TEX26: variants seen among roughly 807,000 people sequenced by gnomAD.
TEX26 encodes testis-expressed protein 26.
In TEX26, 34 loss-of-function variants were observed where a neutral mutation model predicts 35.3. That is an observed-to-expected ratio of 0.96 (90% CI 0.73 to 1.28). The LOEUF is 1.28. Ranked by LOEUF, TEX26 falls within the 50% of genes most tolerant of loss-of-function variation. The pLI, the probability that TEX26 is intolerant of heterozygous loss-of-function variation, is 0.00. For synonymous variants in TEX26, 136 were observed against 111.8 expected, an observed-to-expected ratio of 1.22 and a Z score of -1.36; for missense variants, 371 against 330.1, an observed-to-expected ratio of 1.12 and a Z score of -0.96.
At chr13:30,963,309 A>C (rs1954417413) in intron 4 of TEX26, among the ~76,000 whole-genome samples, 1 of 152,102 alleles carries the variant, frequency 6.6e-6, no homozygotes, top group African/African-American at 2.4e-5. Context: ...CCCTGGGGGG[A>C]GGCGTCATTG....
At position 30,934,961 on chromosome 13, in the gene TEX26, C is replaced by T. The variant is rs544564483; in HGVS notation, c.61+2185C>T. ...AGCCAGGGACAAGTGGGAGCTTTGCCTCTTCCAAGTTGGTGGGGCAAGAGC... is the reference window on the plus strand; with the variant it reads ...AGCCAGGGACAAGTGGGAGCTTTGCTTCTTCCAAGTTGGTGGGGCAAGAGC... On this transcript the variant is annotated intron_variant, in intron 1 of 6. Transcript: ENST00000380473. Among the ~76,000 whole-genome samples, 12 of 152,364 alleles carry T rather than the reference C, an allele frequency of 7.9e-5. No individual in the cohort carries two copies. The South Asian group carries it at 1.0e-3, about 13-fold the overall frequency.
intron 4 of TEX26, among the ~76,000 whole-genome samples, chr13:30,964,240 G>A (rs1308192808): frequency 6.6e-6 from 1 of 152,106 alleles, no homozygotes; most frequent in African/African-American, 2.4e-5. Context: ...TAAGTGCCTG[G>A]GGCTCACTTC....
chr13:30,957,872 T>C (rs892652404), intron 4 of TEX26, among the ~76,000 whole-genome samples: 3 of 152,216 alleles, frequency 2.0e-5, no homozygotes, highest in Non-Finnish European at 4.4e-5. Context: ...GACTGACAGA[T>C]GTCAGAGATA....
At chr13:30,958,605 C>T (rs1954223410) in intron 4 of TEX26, among the ~76,000 whole-genome samples, 1 of 152,190 alleles carries the variant, frequency 6.6e-6, no homozygotes, top group Admixed American at 6.5e-5. Flanking sequence ...GTGTCTCCAT[C>T]TTCATCCTAC....
In TEX26 at chr13:30,957,988, C is replaced by T. The variant is rs971836688; in HGVS notation, c.469+959C>T. On this transcript the variant is annotated intron_variant, in intron 4 of 6. Transcript: ENST00000380473. The stretch of plus-strand genomic sequence containing the variant: ...AGGATGAAGTGAGGGCCATTTTATT[C>T]TCTCCTTTGTTAGAGATGAAAAGTC... Among the ~76,000 whole-genome samples the T allele has an allele frequency of 7.2e-5, 11 of 152,288 alleles. No individual in the cohort carries two copies. In the East Asian group the frequency reaches 2.1e-3, roughly 29 times the overall value.
intron 2 of TEX26, among the ~76,000 whole-genome samples, chr13:30,943,926 A>G (rs1440136811): frequency 6.6e-6 from 1 of 151,238 alleles, no homozygotes; most frequent in Non-Finnish European, 1.5e-5. Context: ...TTTTCTACAG[A>G]CCAGTATTCC....
chr13:30,959,286 C>T (rs1347907192), intron 4 of TEX26, among the ~76,000 whole-genome samples: 2 of 152,136 alleles, frequency 1.3e-5, no homozygotes, highest in East Asian at 3.8e-4. Flanking sequence ...ACTCTTATTC[C>T]TCATTGGCAG....
At chr13:30,961,571 G>A (rs955374583) in intron 4 of TEX26, among the ~76,000 whole-genome samples, 15 of 152,120 alleles carry the variant, frequency 9.9e-5, no homozygotes, top group Non-Finnish European at 2.1e-4. Flanking sequence ...TCTAATCTAC[G>A]ATCATTTTGC....
chr13:30,966,308 T>G lies in TEX26; in HGVS notation c.556T>G (p.Tyr186Asp), dbSNP rs1323189870. ...QPPDTEFRRN[Y>D]QIPAKIPELQ... ...TCCAGACACTGAATTCCGAAGGAAT[T>G]ACCAAATTCCAGCTAAAATTCCTGA... Residue 186 changes from tyrosine (Y) to aspartate (D), a missense_variant, in exon 5 of 7, where the codon TAC (tyrosine) becomes GAC (aspartate). Transcript: ENST00000380473. 2 of 1,614,148 alleles carry G rather than the reference T, an allele frequency of 1.2e-6. No homozygotes were observed. The highest frequency in any genetic ancestry group is 2.2e-5 in the South Asian group (2 of 91,084).
chr13:30,950,153 C>T (rs1490558830), intron 2 of TEX26, among the ~76,000 whole-genome samples: 1 of 152,186 alleles, frequency 6.6e-6, no homozygotes, highest in Admixed American at 6.5e-5. Flanking sequence ...TGCCTGTAAT[C>T]CCAACACTTT....
intron 6 of TEX26, chr13:30,973,513 A>T (rs1157881797): frequency 1.3e-5 from 2 of 152,246 alleles, no homozygotes; most frequent in African/African-American, 2.4e-5. Context: ...ATTTCACTTT[A>T]TGAAAAGTAT....
At chr13:30,939,094 T>C (rs189335150) in intron 1 of TEX26, among the ~76,000 whole-genome samples, 1 of 152,376 alleles carries the variant, frequency 6.6e-6, no homozygotes, top group East Asian at 1.9e-4. Context: ...AGCCCACTTT[T>C]GTGAAACAAA....
rs945943477 is a variant in TEX26, at chr13:30,932,656, G to C, written c.-60G>C. The C allele has an allele frequency of 1.1e-5, 17 of 1,579,158 alleles. No homozygotes were observed. In the African/African-American group the frequency reaches 1.1e-4, roughly 10 times the overall value. ...GGCGACGCGTCACAAAGCAGCCCGC[G>C]GCTCCCGCAAGCGCTGAGATAGCTG... On this transcript the variant is annotated 5_prime_UTR_variant, in exon 1 of 7. Coordinates refer to ENST00000380473, the MANE Select transcript of TEX26 (RefSeq NM_152325.3).
intron 2 of TEX26, among the ~76,000 whole-genome samples, chr13:30,940,393 GTA>G: frequency 1.5e-5 from 2 of 134,722 alleles, no homozygotes; most frequent in Non-Finnish European, 3.1e-5. Flanking sequence ...GAGTGCAGTG[GTA>G]CGATCTCGGC....
At chr13:30,933,453 G>A (rs1953150245) in intron 1 of TEX26, 1 of 152,254 alleles carries the variant, frequency 6.6e-6, no homozygotes, top group Non-Finnish European at 1.5e-5. Flanking sequence ...CTAGTGGCAT[G>A]ATTACCGTGT....
In TEX26 at chr13:30,956,947, G is replaced by T. The variant is rs199670260; in HGVS notation, c.387G>T (p.Pro129=). ...TLKNCLPWKI[P]ASMKEVNKAL... is the part of the protein sequence containing the mutation. ...AGAACTGCCTCCCTTGGAAAATCCC[G>T]GCTTCAATGAAAGAAGTTAACAAGG... Residue 129 remains proline, a synonymous_variant, in exon 4 of 7, where the codon CCG becomes CCT. Coordinates refer to ENST00000380473, the MANE Select transcript of TEX26 (RefSeq NM_152325.3). The T allele has an allele frequency of 3.1e-6, 5 of 1,614,126 alleles. No homozygotes were observed. Among genetic ancestry groups the T allele is most frequent in the East Asian group, 4.5e-5 (2 of 44,882 alleles).
intron 4 of TEX26, among the ~76,000 whole-genome samples, chr13:30,960,989 A>G (rs748211725): frequency 1.3e-5 from 2 of 152,246 alleles, no homozygotes; most frequent in Non-Finnish European, 2.9e-5. Context: ...GTTAGCTGGT[A>G]CTTGACTTAG....
At chr13:30,952,848 G>T (rs1318198007) in intron 3 of TEX26, 23 bp downstream of exon 3, 3 of 1,601,948 alleles carry the variant, frequency 1.9e-6, no homozygotes, top group Non-Finnish European at 2.6e-6. Flanking sequence ...CTACATATGT[G>T]TTGAATTTAA....
At chr13:30,964,119 C>T (rs1414640520) in intron 4 of TEX26, among the ~76,000 whole-genome samples, 1 of 152,188 alleles carries the variant, frequency 6.6e-6, no homozygotes, top group African/African-American at 2.4e-5. Flanking sequence ...TCCTTGTCAT[C>T]CTCCTCTTCC....
Sources: allele counts gnomAD v4.1 joint callset (sites outside exome capture counted in the v4.1 genomes callset), GRCh38; gene constraint gnomAD v4.1.1; transcripts MANE v1.5; gene names NCBI Gene and HGNC (gene_info 2026-07-23, HGNC 2026-07-21).